Variants in LRRD1 observed in about 807,000 individuals in gnomAD.
The protein encoded by LRRD1 is leucine-rich repeat and death domain-containing protein 1.
Under a neutral mutation model 69.5 loss-of-function variants are expected in LRRD1, and 49 were observed. That is an observed-to-expected ratio of 0.70 (90% confidence interval 0.56 to 0.89). The LOEUF (loss-of-function observed/expected upper bound fraction) is 0.89, where lower values mean the gene tolerates loss of function less well. LRRD1 is among the 40% of genes least tolerant of loss of function. The pLI is 0.00. For synonymous variants in LRRD1, 303 were observed against 338.9 expected (o/e 0.89, Z 1.16); for missense variants, 853 against 956.0 (o/e 0.89, Z 1.42).
intron 1 of LRRD1, among the ~76,000 whole-genome samples, chr7:92,166,779 C>A (rs1788920801): frequency 6.6e-6 from 1 of 152,124 alleles, no homozygotes; most frequent in South Asian, 2.1e-4. Flanking sequence ...TTTCTTTAAT[C>A]TGCTAAAGGG....
intron 3 of LRRD1, among the ~76,000 whole-genome samples, chr7:92,151,687 G>A (rs1447673883): frequency 1.3e-5 from 2 of 152,020 alleles, no homozygotes; most frequent in African/African-American, 4.8e-5. Context: ...AGTGGTTCAC[G>A]CCTGTAATCC....
At chr7:92,173,594 A>G (rs1368457885) in intron 1 of LRRD1, among the ~76,000 whole-genome samples, 3 of 152,200 alleles carry the variant, frequency 2.0e-5, no homozygotes, top group Non-Finnish European at 4.4e-5. Flanking sequence ...CACCATCACT[A>G]ATCATCTGAG....
chr7:92,172,126 A>G (rs187823472), intron 1 of LRRD1, among the ~76,000 whole-genome samples: 18 of 152,270 alleles, frequency 1.2e-4, no homozygotes, highest in African/African-American at 4.3e-4. Flanking sequence ...CCCTGTATCA[A>G]AAAAAAGAAA....
At chr7:92,148,686 A>G (rs746133351) in intron 4 of LRRD1, among the ~76,000 whole-genome samples, 72 of 152,170 alleles carry the variant, frequency 4.7e-4, no homozygotes, top group Non-Finnish European at 2.1e-4. Context: ...ATCTAACAGA[A>G]ATACTTTATG....
chr7:92,148,083 G>A (rs1820373946), intron 4 of LRRD1, among the ~76,000 whole-genome samples: 1 of 152,100 alleles, frequency 6.6e-6, no homozygotes, highest in African/African-American at 2.4e-5. Context: ...TGGAACTACA[G>A]GCACGTGCCA....
chr7:92,165,861 CAA>C (rs750215030), intron 1 of LRRD1, among the ~76,000 whole-genome samples: 3 of 41,702 alleles, frequency 7.2e-5, no homozygotes, highest in Non-Finnish European at 1.4e-4. Flanking sequence ...AACTCCATCT[CAA>C]AAAAAAAAAA....
At position 92,145,094 on chromosome 7, in the gene LRRD1, A is replaced by ATAT; in HGVS notation, c.2397-23_2397-21dup. 1 of 1,180,954 alleles carries ATAT rather than the reference A, an allele frequency of 8.5e-7. No individual in the cohort carries two copies. Among genetic ancestry groups the ATAT allele is most frequent in the South Asian group, 2.6e-5 (1 of 38,862 alleles). 73.2% of individuals were successfully genotyped at this position (1,180,954 alleles called of 1,614,324 possible). A position where few individuals can be genotyped will look rare whatever the true frequency, so the allele number is the denominator to read the frequency against. On this transcript the variant is annotated intron_variant, in intron 5 of 5. Transcript: ENST00000458448. ...ACAGTGCTGAAAAACATTATTAATA[A>ATAT]TATTAATAGTTAAATATTTATTAAC...
intron 2 of LRRD1, among the ~76,000 whole-genome samples, chr7:92,159,447 T>G (rs1334132938): frequency 6.6e-6 from 1 of 152,060 alleles, no homozygotes; most frequent in Non-Finnish European, 1.5e-5. Context: ...CCCTGTGGCT[T>G]GCAACCCACT....
chr7:92,163,511 G>A lies in LRRD1; in HGVS notation c.1692C>T (p.Cys564=). 1 of 1,524,600 alleles carries A rather than the reference G, an allele frequency of 6.6e-7. No homozygotes were observed. Among genetic ancestry groups the A allele is most frequent in the South Asian group, 1.3e-5 (1 of 79,934 alleles). 94.4% of individuals were successfully genotyped at this position (1,524,600 alleles called of 1,614,324 possible). Residue 564 remains cysteine, a synonymous_variant, in exon 2 of 6, where the codon TGC becomes TGT. Transcript: ENST00000458448. ...NMISLHVLIL[C]CNKFETFPRE... ...TAGGGAAAGTTTCAAATTTATTACA[G>A]CATAAAATAAGTACGTGGAGTGATA...
chr7:92,173,615 C>G (rs1789103572), intron 1 of LRRD1, among the ~76,000 whole-genome samples: 1 of 152,094 alleles, frequency 6.6e-6, no homozygotes, highest in Admixed American at 6.6e-5. Flanking sequence ...AAATGCAAAT[C>G]AAACCACAAT....
Position 92,159,136 on chromosome 7 carries a change from G to A in LRRD1, c.1985C>T (p.Ala662Val). 1.9e-6 allele frequency: 3 copies of A among 1,545,238 alleles called. No individual in the cohort carries two copies. Among genetic ancestry groups the A allele is most frequent in the Non-Finnish European group, 2.6e-6 (3 of 1,144,408 alleles). Residue 662 changes from alanine (A) to valine (V), a missense_variant, in exon 3 of 6, where the codon GCA (alanine) becomes GTA (valine). Around this residue, in one of 3 missense-constraint regions of LRRD1, gnomAD observed 739 missense variants for 808.0 expected, o/e 0.91. Transcript: ENST00000458448. ...TATATTTCTTGGAATCTCTCTGATT[G>A]CATTATTTGAGATATCAAGTTCTTT... is the stretch of plus-strand genomic sequence containing the variant. ...QLKELDISNN[A>V]IREIPRNIGE...
chr7:92,164,376 A>G lies in LRRD1; in HGVS notation c.827T>C (p.Leu276Pro). 5 of 1,549,424 alleles carry G rather than the reference A, an allele frequency of 3.2e-6. No individual in the cohort carries two copies. Among genetic ancestry groups the G allele is most frequent in the Non-Finnish European group, 4.4e-6 (5 of 1,146,270 alleles). ...AACCCTCAAGGTTTTTAAACTAGGC[A>G]GAGTATCTGGTATATGTCTTAACTT... Reference protein sequence around the residue: ...KNKLRHIPDTLPSLKTLRVLN... With the variant: ...KNKLRHIPDTPPSLKTLRVLN... The change falls in exon 2 of 6, where the codon CTG becomes CCG. Residue 276 changes from leucine (L) to proline (P), a missense_variant. By Grantham distance (98) the Leu-to-Pro change is moderately conservative. Transcript: ENST00000458448.
chr7:92,175,091 CA>C (rs1306050080), intron 1 of LRRD1, among the ~76,000 whole-genome samples: 1 of 151,160 alleles, frequency 6.6e-6, no homozygotes, highest in Admixed American at 6.6e-5. Context: ...ACACAAAACA[CA>C]AAAAAAACCC....
intron 3 of LRRD1, among the ~76,000 whole-genome samples, chr7:92,151,450 G>T (rs1304163701): frequency 6.6e-6 from 1 of 152,196 alleles, no homozygotes; most frequent in African/African-American, 2.4e-5. Flanking sequence ...ATATCCGCAT[G>T]ACATCACTAA....
chr7:92,174,489 ATATATATATATATATATATATTTTTTTTT>A (rs1789127486), intron 1 of LRRD1, among the ~76,000 whole-genome samples: 1 of 14,854 alleles, frequency 6.7e-5, no homozygotes, highest in South Asian at 2.1e-3. Context: ...ATATATATAT[ATATATATATATATATATATATTTTTTTTT>A]TTTTTTTTTT....
chr7:92,154,672 T>C (rs1788615504), intron 3 of LRRD1, among the ~76,000 whole-genome samples: 1 of 152,192 alleles, frequency 6.6e-6, no homozygotes, highest in African/African-American at 2.4e-5. Context: ...TTTTATATAG[T>C]GTGTAGGATC....
chr7:92,149,786 C>G (rs1432094431), intron 4 of LRRD1: 1 of 298,888 alleles, frequency 3.3e-6, no homozygotes. Context: ...CTTCTGAGCT[C>G]AAGTGATTGT....
chr7:92,167,887 A>T (rs1474315892), intron 1 of LRRD1, among the ~76,000 whole-genome samples: 1 of 143,144 alleles, frequency 7.0e-6, no homozygotes, highest in Non-Finnish European at 1.5e-5. Context: ...AAAAAAAAAA[A>T]AAAAAAAAAA....
At chr7:92,158,465 A>G (rs1788720159) in intron 3 of LRRD1, among the ~76,000 whole-genome samples, 1 of 152,156 alleles carries the variant, frequency 6.6e-6, no homozygotes, top group South Asian at 2.1e-4. Flanking sequence ...GTGTGTATAT[A>G]TATATATAAT....
Sources: gnomAD v4.1 joint callset for allele counts (sites outside exome capture counted in the v4.1 genomes callset) on GRCh38, gnomAD v4.1.1 for gene constraint, gnomAD v4.1.1 regional missense constraint, MANE v1.5 for transcripts, NCBI Gene and HGNC (gene_info 2026-07-23, HGNC 2026-07-21) for gene names.